PCDHGA5: variants seen among roughly 807,000 people sequenced by gnomAD.
PCDHGA5 encodes protocadherin gamma-A5.
PCDHGA5 carries 36 observed loss-of-function variants against 56.7 expected under a neutral mutation model. That is an observed-to-expected ratio of 0.64 (90% CI 0.49 to 0.84). PCDHGA5 has a LOEUF of 0.84. Ranked by LOEUF, PCDHGA5 falls within the 40% of genes least tolerant of loss-of-function variation. The probability of loss-of-function intolerance (pLI) is 0.00; values close to 1 mark genes in which losing one functional copy is unlikely to be tolerated. For synonymous variants in PCDHGA5, 563 were observed against 520.2 expected (o/e 1.08, Z -1.12); for missense variants, 1,305 against 1,201.5 (o/e 1.09, Z -1.27).
chr5:141,482,126 A>G (rs1235540230), intron 1 of PCDHGA5, among the ~76,000 whole-genome samples: 1 of 152,004 alleles, frequency 6.6e-6, no homozygotes, highest in Non-Finnish European at 1.5e-5. Flanking sequence ...TGGGAGAATC[A>G]TATGGCTGGC....
At chr5:141,428,010 G>A in intron 1 of PCDHGA5, 1 of 1,603,006 alleles carries the variant, frequency 6.2e-7, no homozygotes, top group Non-Finnish European at 8.5e-7. Flanking sequence ...CTTCGATATA[G>A]TGCCACGCGC....
intron 1 of PCDHGA5, among the ~76,000 whole-genome samples, chr5:141,407,446 C>T (rs1314408901): frequency 6.7e-6 from 1 of 149,410 alleles, no homozygotes. Context: ...AACCAGAACA[C>T]GAGGCTCACC....
At chr5:141,448,000 C>T (rs1363676731) in intron 1 of PCDHGA5, among the ~76,000 whole-genome samples, 3 of 151,840 alleles carry the variant, frequency 2.0e-5, no homozygotes, top group Non-Finnish European at 4.4e-5. Flanking sequence ...GCATGAGAAT[C>T]GCTTGAACCC....
intron 1 of PCDHGA5, among the ~76,000 whole-genome samples, chr5:141,402,701 G>T (rs1561683907): frequency 1.3e-5 from 2 of 152,178 alleles, no homozygotes; most frequent in African/African-American, 2.4e-5. Context: ...ACATCAGTGG[G>T]TGTAGTAACG....
chr5:141,491,243 ATGAGGACCC>A lies in PCDHGA5; in HGVS notation c.2422-3557_2422-3549del. 1 of 1,614,200 alleles carries A rather than the reference ATGAGGACCC, an allele frequency of 6.2e-7. No individual in the cohort carries two copies. Among genetic ancestry groups the A allele is most frequent in the African/African-American group, 1.3e-5 (1 of 75,056 alleles). ...GCCACAGTGCTGCTGGTTCTGGAGG[ATGAGGACCC>A]TGAGGAAATGCCCAAATCCAGTGAC... On this transcript the variant is annotated intron_variant, in intron 1 of 3. Coordinates refer to ENST00000518069, the MANE Select transcript of PCDHGA5 (RefSeq NM_018918.3). This position sits in a 1 kb window ranked among gnomAD's most constrained non-coding sequence, Gnocchi z 6.9.
At position 141,490,490 on chromosome 5, in the gene PCDHGA5, C is replaced by T; in HGVS notation, c.2422-4317C>T. 1 of 1,614,184 alleles carries T rather than the reference C, an allele frequency of 6.2e-7. No homozygotes were observed. The highest frequency in any genetic ancestry group is 8.5e-7 in the Non-Finnish European group (1 of 1,180,028). The stretch of plus-strand genomic sequence containing the variant: ...AGCCAGCCTTTGGACCGGGAGGCCA[C>T]ATCCCACTATATCATCGAGCTGCTG... On this transcript the variant is annotated intron_variant, in intron 1 of 3. Coordinates refer to ENST00000518069, the MANE Select transcript of PCDHGA5 (RefSeq NM_018918.3). The surrounding 1 kb of genome is among the most constrained non-coding windows in gnomAD (Gnocchi z 5.4).
Position 141,485,778 on chromosome 5 carries a change from G to T in PCDHGA5, c.2422-9029G>T. The T allele has an allele frequency of 6.2e-7, 1 of 1,614,216 alleles. No individual in the cohort carries two copies. Among genetic ancestry groups the T allele is most frequent in the Admixed American group, 1.7e-5 (1 of 60,028 alleles). ...CTGCTCCTGGAGAAGCCTTTGGATC[G>T]AGAGAAGCAATCGGACTACCGCCTG... is the stretch of plus-strand genomic sequence containing the variant. On this transcript the variant is annotated intron_variant, in intron 1 of 3. Coordinates refer to ENST00000518069, the MANE Select transcript of PCDHGA5 (RefSeq NM_018918.3). The surrounding 1 kb of genome is among the most constrained non-coding windows in gnomAD (Gnocchi z 5.7).
intron 1 of PCDHGA5, chr5:141,399,574 G>C (rs1191176960): frequency 6.2e-7 from 1 of 1,614,046 alleles, no homozygotes; most frequent in Middle Eastern, 1.6e-4. Flanking sequence ...GAACGGCCAA[G>C]TCTCCTACTC....
chr5:141,369,893 A>T (rs956763780), intron 1 of PCDHGA5, among the ~76,000 whole-genome samples: 1 of 152,230 alleles, frequency 6.6e-6, no homozygotes, highest in Non-Finnish European at 1.5e-5. Context: ...AGATATTATT[A>T]TGACCATTTT....
chr5:141,417,004 AT>A (rs1462550813), intron 1 of PCDHGA5: 1 of 149,888 alleles, frequency 6.7e-6, no homozygotes, highest in African/African-American at 2.5e-5. Context: ...ATCTCAAATA[AT>A]TCTATTATTT....
chr5:141,437,782 A>C (rs1410096491), intron 1 of PCDHGA5, among the ~76,000 whole-genome samples: 1 of 151,512 alleles, frequency 6.6e-6, no homozygotes, highest in African/African-American at 2.4e-5. Context: ...TCTGTCGCCA[A>C]GCTGGAGTGC....
intron 1 of PCDHGA5, chr5:141,378,561 A>C (rs1775013664): frequency 6.6e-6 from 1 of 152,238 alleles, no homozygotes. Context: ...AAGAGTGAAC[A>C]TGAATTTTAA....
Position 141,366,139 on chromosome 5 carries a change from G to GCTGT in PCDHGA5, c.1811_1814dup (p.Tyr606ValfsTer6). 6.2e-7 allele frequency: 1 copy of GCTGT among 1,614,184 alleles called. No individual in the cohort carries two copies. Among genetic ancestry groups the GCTGT allele is most frequent in the East Asian group, 2.2e-5 (1 of 44,882 alleles). ...ACAAAGATTCAGGCCAGAACGCCTG[G>GCTGT]CTGTCCTACCGCCTGCTTAAGGCCA... On this transcript the variant is annotated frameshift_variant, in exon 1 of 4. Coordinates refer to ENST00000518069, the MANE Select transcript of PCDHGA5 (RefSeq NM_018918.3). LOFTEE classifies it high-confidence loss of function.
At chr5:141,388,923 T>G (rs374663443) in intron 1 of PCDHGA5, 2 of 1,614,002 alleles carry the variant, frequency 1.2e-6, no homozygotes, top group Admixed American at 1.7e-5. Context: ...AGAAGTGATA[T>G]TCCAGTCTCT....
intron 1 of PCDHGA5, chr5:141,441,973 C>T (rs1457832429): frequency 6.7e-6 from 2 of 296,542 alleles, no homozygotes; most frequent in Admixed American, 4.4e-5. Context: ...GCTCTTCAGC[C>T]TGGAATGCGC....
intron 1 of PCDHGA5, chr5:141,384,276 C>A: frequency 6.2e-7 from 1 of 1,613,888 alleles, no homozygotes; most frequent in Non-Finnish European, 8.5e-7. Context: ...CCTACTCAGT[C>A]TACATCGCTG....
At chr5:141,404,776 A>C in intron 1 of PCDHGA5, 1 of 1,613,070 alleles carries the variant, frequency 6.2e-7, no homozygotes, top group Non-Finnish European at 8.5e-7. Context: ...CCTACCGCCT[A>C]TTCAAGGCCA....
intron 1 of PCDHGA5, among the ~76,000 whole-genome samples, chr5:141,438,263 A>G (rs2097944986): frequency 6.6e-6 from 1 of 152,144 alleles, no homozygotes; most frequent in South Asian, 2.1e-4. Flanking sequence ...AAGAGACCAT[A>G]GAATCAAACA....
intron 1 of PCDHGA5, chr5:141,423,074 G>T (rs2096705802): frequency 6.2e-7 from 1 of 1,614,006 alleles, no homozygotes; most frequent in African/African-American, 1.3e-5. Flanking sequence ...AGCGAGCCGG[G>T]ACTCTTCGCG....
Sources: allele counts gnomAD v4.1 joint callset (sites outside exome capture counted in the v4.1 genomes callset), GRCh38; gene constraint gnomAD v4.1.1; non-coding constraint Gnocchi (gnomAD v3.1); transcripts MANE v1.5; gene names NCBI Gene and HGNC (gene_info 2026-07-23, HGNC 2026-07-21).